Variants in ZNF487 observed in about 807,000 individuals in gnomAD.
The protein encoded by ZNF487 is zinc finger protein 487.
A neutral mutation model predicts 3.0 loss-of-function variants in ZNF487; 4 were observed. The ratio of observed to expected loss-of-function variants is 1.35; its 90% CI spans 0.66 to 3.08. The LOEUF is 3.08. Ranked by LOEUF, ZNF487 falls within the 30% of genes most tolerant of loss-of-function variation. ZNF487 has a pLI of 0.01. For synonymous variants in ZNF487, 55 were observed against 34.6 expected (o/e 1.59, Z -2.06); for missense variants, 146 against 98.7 (o/e 1.48, Z -2.03).
downstream of ZNF487, among the ~76,000 whole-genome samples, chr10:43,486,611 A>G (rs1293144570): frequency 6.6e-6 from 1 of 152,216 alleles, no homozygotes; most frequent in Non-Finnish European, 1.5e-5. Flanking sequence ...TTAAAAGGCA[A>G]ATAAGAGCAC....
intron 1 of ZNF487, among the ~76,000 whole-genome samples, chr10:43,459,599 C>T (rs1203067206): frequency 6.6e-6 from 1 of 152,002 alleles, no homozygotes; most frequent in Admixed American, 6.6e-5. Flanking sequence ...TAAGTCAGGT[C>T]TCACTCTGTC....
chr10:43,489,088 A>G, the ZNF487 span, among the ~76,000 whole-genome samples: 44 of 150,934 alleles, frequency 2.9e-4, no homozygotes, highest in Non-Finnish European at 5.3e-4. Flanking sequence ...CAACAGAGAC[A>G]GACCCTGGCT....
chr10:43,478,535 G>A (rs531550145), intron 3 of ZNF487, among the ~76,000 whole-genome samples: 15 of 152,030 alleles, frequency 9.9e-5, no homozygotes, highest in Admixed American at 1.3e-4. Context: ...CTTGGGCAAC[G>A]AGAGCGAAAC....
intron 1 of ZNF487, among the ~76,000 whole-genome samples, chr10:43,445,229 T>A (rs908714064): frequency 3.3e-5 from 5 of 152,010 alleles, no homozygotes; most frequent in African/African-American, 1.2e-4. Context: ...GCTCAAGCAA[T>A]TTTCTCACCT....
intron 1 of ZNF487, among the ~76,000 whole-genome samples, chr10:43,472,371 T>C (rs1313715354): frequency 6.6e-6 from 1 of 152,178 alleles, no homozygotes; most frequent in Non-Finnish European, 1.5e-5. Context: ...ATTTTTGAAC[T>C]GTTTTTTTCT....
the ZNF487 span, among the ~76,000 whole-genome samples, chr10:43,508,324 A>G: frequency 1.3e-5 from 2 of 152,246 alleles, no homozygotes; most frequent in African/African-American, 4.8e-5. Context: ...GAGTTTCTGA[A>G]TATAAAATAG....
At chr10:43,453,930 A>G (rs1165033352) in intron 1 of ZNF487, 1 of 152,168 alleles carries the variant, frequency 6.6e-6, no homozygotes, top group African/African-American at 2.4e-5. Flanking sequence ...ATGGGAATTT[A>G]TATAAATTTA....
intron 1 of ZNF487, among the ~76,000 whole-genome samples, chr10:43,438,049 A>G (rs933886066): frequency 3.3e-4 from 50 of 152,040 alleles, no homozygotes; most frequent in African/African-American, 1.2e-3. Context: ...TGTGTGTGTA[A>G]TAGCCATTTG....
chr10:43,478,256 C>T (rs1841176098), intron 3 of ZNF487, among the ~76,000 whole-genome samples: 1 of 151,832 alleles, frequency 6.6e-6, no homozygotes, highest in Non-Finnish European at 1.5e-5. Context: ...CCCATCTGTA[C>T]AAAAAATAAA....
In ZNF487 at chr10:43,443,102, G is replaced by A. The variant is rs1163146935; in HGVS notation, c.-94+5840G>A. ...TTTGAGACAGAGTTTTGCTCTTGTC[G>A]CTCAGGCTGGAGTGCAATGGCATGA... On this transcript the variant is annotated intron_variant, in intron 1 of 3. Transcript: ENST00000437590. Among the ~76,000 whole-genome samples the A allele has an allele frequency of 8.8e-5, 11 of 125,258 alleles. 1 individual carries two copies. In the South Asian group the frequency reaches 9.7e-4, roughly 11 times the overall value. The allele number at this position is 125,258 out of a possible 152,430, so 82.2% of individuals were successfully genotyped here. A position where few individuals can be genotyped will look rare whatever the true frequency, so the allele number is the denominator to read the frequency against.
chr10:43,500,447 C>T, the ZNF487 span, among the ~76,000 whole-genome samples: 37 of 152,124 alleles, frequency 2.4e-4, no homozygotes, highest in Admixed American at 8.5e-4. Flanking sequence ...CAAAAAACAA[C>T]CCCCCACCCC....
chr10:43,505,584 A>G, the ZNF487 span, among the ~76,000 whole-genome samples: 1 of 152,168 alleles, frequency 6.6e-6, no homozygotes, highest in African/African-American at 2.4e-5. Flanking sequence ...CGCCTGGTCC[A>G]TAATTACATT....
At chr10:43,479,984 C>CTTCTTTCTTTCTTTCT (rs71533064) in intron 3 of ZNF487, among the ~76,000 whole-genome samples, 206 of 57,842 alleles carry the variant, frequency 3.6e-3, no homozygotes, top group Admixed American at 6.6e-3. Context: ...TCTTTCTTTC[C>CTTCTTTCTTTCTTTCT]TTCTTTCTTT....
chr10:43,481,972 C>T lies in ZNF487; in HGVS notation c.*50C>T, dbSNP rs1275822645. On this transcript the variant is annotated 3_prime_UTR_variant, in exon 4 of 4. Transcript: ENST00000437590. ...TTCCGATAGACCAATATTCATTGTTCATCAGAGAACTCACATAAGGAAGAG... is the reference window on the plus strand; with the variant it reads ...TTCCGATAGACCAATATTCATTGTTTATCAGAGAACTCACATAAGGAAGAG... The T allele has an allele frequency of 6.7e-6, 4 of 598,846 alleles. No homozygotes were observed. The highest frequency in any genetic ancestry group is 4.2e-5 in the South Asian group (2 of 48,086). 37.1% of individuals were successfully genotyped at this position (598,846 alleles called of 1,614,324 possible).
intron 1 of ZNF487, among the ~76,000 whole-genome samples, chr10:43,466,711 T>C (rs1426224510): frequency 6.6e-6 from 1 of 152,202 alleles, no homozygotes. Flanking sequence ...GGTTTACTGA[T>C]TATTTTAAAC....
At chr10:43,436,980 G>T (rs1215098344), upstream of ZNF487, 4 of 439,968 alleles carry the variant, frequency 9.1e-6, no homozygotes, top group Non-Finnish European at 1.4e-5. Context: ...GTAGCAGGGT[G>T]GGATGCCCGT....
intron 1 of ZNF487, among the ~76,000 whole-genome samples, chr10:43,440,338 C>G (rs1249564165): frequency 6.6e-6 from 1 of 151,602 alleles, no homozygotes; most frequent in Non-Finnish European, 1.5e-5. Flanking sequence ...GTGTGAACCA[C>G]TGTGCCCTGC....
intron 1 of ZNF487, among the ~76,000 whole-genome samples, chr10:43,461,814 T>C (rs868375461): frequency 6.6e-6 from 1 of 152,204 alleles, no homozygotes; most frequent in Non-Finnish European, 1.5e-5. Flanking sequence ...AATTTCTTTA[T>C]ATTAGGGAAA....
the ZNF487 span, among the ~76,000 whole-genome samples, chr10:43,498,097 A>T: frequency 0.023 from 230 of 10,038 alleles, 11 homozygotes; most frequent in Middle Eastern, 0.11. Context: ...ATATATATAT[A>T]TATTTTTTTT....
Sources: allele counts gnomAD v4.1 joint callset (sites outside exome capture counted in the v4.1 genomes callset), GRCh38; gene constraint gnomAD v4.1.1; transcripts MANE v1.5; gene names NCBI Gene and HGNC (gene_info 2026-07-23, HGNC 2026-07-21).